KLHL28: variants seen among roughly 807,000 people sequenced by gnomAD.
The protein encoded by KLHL28 is kelch like family member 28, also known as kelch-like protein 28.
In KLHL28, 22 loss-of-function variants were observed where a neutral mutation model predicts 48.3. The ratio of observed to expected loss-of-function variants is 0.46; its 90% CI spans 0.33 to 0.65. KLHL28 has a LOEUF of 0.65. KLHL28 is among the 30% of genes least tolerant of loss of function. KLHL28 has a pLI of 0.03. For missense variants in KLHL28, 527 were observed against 704.3 expected, an observed-to-expected ratio of 0.75 and a Z score of 2.85; for synonymous variants, 243 against 242.4, an observed-to-expected ratio of 1.00 and a Z score of -0.02.
chr14:44,960,968 G>C, intron 1 of KLHL28: 1 of 1,307,112 alleles, frequency 7.7e-7, no homozygotes, highest in Non-Finnish European at 1.1e-6. Flanking sequence ...CTTTTCGCAC[G>C]AGTCATTCAA....
In KLHL28 at chr14:44,945,364, A is replaced by T. The variant is rs1884282894; in HGVS notation, c.565T>A (p.Cys189Ser). The stretch of plus-strand genomic sequence containing the variant: ...GTCTCTTCGGTAGCTACATTCAAAC[A>T]GTCATTGGAAACAATTTCATCCAAG... ...ADLDEIVSND[C>S]LNVATEETVF... Residue 189 changes from cysteine to serine, a missense_variant, in exon 2 of 5, where the codon TGT becomes AGT. Coordinates refer to ENST00000396128, the MANE Select transcript of KLHL28 (RefSeq NM_017658.5). 6.2e-7 allele frequency: 1 copy of T among 1,614,206 alleles called. No individual in the cohort carries two copies. The highest frequency in any genetic ancestry group is 8.5e-7 in the Non-Finnish European group (1 of 1,180,014).
chr14:44,933,694 T>G (rs1266545125), intron 3 of KLHL28, among the ~76,000 whole-genome samples: 1 of 152,182 alleles, frequency 6.6e-6, no homozygotes, highest in Non-Finnish European at 1.5e-5. Context: ...AAAGGAATAT[T>G]TAAATAAGGT....
chr14:44,945,999 G>A lies in KLHL28; in HGVS notation c.1-71C>T, dbSNP rs1268124206. The A allele has an allele frequency of 5.1e-6, 6 of 1,174,300 alleles. No individual in the cohort carries two copies. In the East Asian group the frequency reaches 1.4e-4, roughly 28 times the overall value. The allele number at this position is 1,174,300 out of a possible 1,614,324, so 72.7% of individuals were successfully genotyped here. A position where few individuals can be genotyped will look rare whatever the true frequency, so the allele number is the denominator to read the frequency against. On this transcript the variant is annotated intron_variant, in intron 1 of 4. Transcript: ENST00000396128. ...TGTCAAAAACACTGCTTTTCAAATA[G>A]TACAGAATAATCAGATTTGTAATTT...
At chr14:44,955,692 A>G (rs1884765015) in intron 1 of KLHL28, among the ~76,000 whole-genome samples, 1 of 152,174 alleles carries the variant, frequency 6.6e-6, no homozygotes, top group Admixed American at 6.5e-5. Flanking sequence ...GGGCTGAGCT[A>G]GGAGAATTGC....
chr14:44,947,307 A>G (rs544063411), intron 1 of KLHL28, among the ~76,000 whole-genome samples: 49 of 152,346 alleles, frequency 3.2e-4, no homozygotes, highest in Non-Finnish European at 5.6e-4. Context: ...ATTCTCCCGT[A>G]GAGCTTATGG....
In KLHL28 at chr14:44,945,815, A is replaced by G; in HGVS notation, c.114T>C (p.Ile38=). The change falls in exon 2 of 5, where the codon ATT becomes ATC. Residue 38 remains isoleucine (I), a synonymous_variant. Coordinates refer to ENST00000396128, the MANE Select transcript of KLHL28 (RefSeq NM_017658.5). ...LRQHHELCDI[I]LRVGDVKIHA... ...GAATTTTAACATCACCTACTCGAAG[A>G]ATGATGTCACAGAGTTCGTGATGTT... is the stretch of plus-strand genomic sequence containing the variant. 6.2e-7 allele frequency: 1 copy of G among 1,614,138 alleles called. No individual in the cohort carries two copies. Among genetic ancestry groups the G allele is most frequent in the Non-Finnish European group, 8.5e-7 (1 of 1,179,994 alleles).
Position 44,928,817 on chromosome 14 carries a change from C to A in KLHL28, c.*211G>T. On this transcript the variant is annotated 3_prime_UTR_variant, in exon 5 of 5. Transcript: ENST00000396128. ...CAAAGTCTTTACTTTTTTTTTTTCT[C>A]TTTTTTCTTTTTGATTATTGATTTA... The A allele has an allele frequency of 9.8e-6, 3 of 306,346 alleles. No homozygotes were observed. The highest frequency in any genetic ancestry group is 9.4e-5 in the South Asian group (1 of 10,678). 19.0% of individuals were successfully genotyped at this position (306,346 alleles called of 1,614,324 possible).
chr14:44,935,037 C>T (rs1235665019), intron 2 of KLHL28, among the ~76,000 whole-genome samples: 1 of 152,110 alleles, frequency 6.6e-6, no homozygotes, highest in African/African-American at 2.4e-5. Flanking sequence ...AGAGTGTTTA[C>T]TACAGTATTA....
chr14:44,959,227 T>G (rs1267064575), intron 1 of KLHL28: 2 of 152,128 alleles, frequency 1.3e-5, no homozygotes, highest in East Asian at 3.8e-4. Context: ...TTTCTTCCTC[T>G]GTCCAATTAC....
chr14:44,950,738 T>A (rs945619791), intron 1 of KLHL28, among the ~76,000 whole-genome samples: 32 of 152,328 alleles, frequency 2.1e-4, no homozygotes, highest in African/African-American at 7.2e-4. Context: ...AAAAAGCAGT[T>A]GTAAATATGC....
rs1452086831 is a variant in KLHL28 at position 44,926,887 on chromosome 14, T to G, written c.*2141A>C. Reference sequence around the variant, plus strand: ...TAAAAATAGTATAATAGGATATATTTAATAATTTGATTGCTATAAACAAAG... The same window carrying G: ...TAAAAATAGTATAATAGGATATATTGAATAATTTGATTGCTATAAACAAAG... On this transcript the variant is annotated 3_prime_UTR_variant, in exon 5 of 5. Transcript: ENST00000396128. 3 of 152,560 alleles carry G rather than the reference T, an allele frequency of 2.0e-5. No homozygotes were observed. Among genetic ancestry groups the G allele is most frequent in the African/African-American group, 7.2e-5 (3 of 41,458 alleles). 9.5% of individuals were successfully genotyped at this position (152,560 alleles called of 1,614,324 possible). A position where few individuals can be genotyped will look rare whatever the true frequency, so the allele number is the denominator to read the frequency against.
At chr14:44,943,471 A>G (rs1366135782) in intron 2 of KLHL28, among the ~76,000 whole-genome samples, 1 of 152,152 alleles carries the variant, frequency 6.6e-6, no homozygotes, top group African/African-American at 2.4e-5. Context: ...CGGCCTGACC[A>G]ACATGGTGAA....
chr14:44,933,367 G>GT (rs1883668691), intron 3 of KLHL28, among the ~76,000 whole-genome samples: 2 of 149,304 alleles, frequency 1.3e-5, no homozygotes, highest in Admixed American at 6.7e-5. Flanking sequence ...CTGGAGTGTA[G>GT]TAGTGCATTC....
intron 2 of KLHL28, among the ~76,000 whole-genome samples, chr14:44,944,130 G>A (rs1884221687): frequency 6.6e-6 from 1 of 152,136 alleles, no homozygotes; most frequent in African/African-American, 2.4e-5. Context: ...TAAAAAATAT[G>A]TATTAAACAC....
chr14:44,935,908 A>AC (rs1222194387), intron 2 of KLHL28, among the ~76,000 whole-genome samples: 1 of 132,670 alleles, frequency 7.5e-6, no homozygotes, highest in Non-Finnish European at 1.6e-5. Flanking sequence ...ATATATCTTT[A>AC]CCCTCCCCCC....
chr14:44,959,920 A>T (rs1884958847), intron 1 of KLHL28, among the ~76,000 whole-genome samples: 1 of 152,042 alleles, frequency 6.6e-6, no homozygotes, highest in African/African-American at 2.4e-5. Flanking sequence ...TCCAAAGATT[A>T]AAAAAAATCT....
intron 2 of KLHL28, among the ~76,000 whole-genome samples, chr14:44,941,370 G>A (rs1229702976): frequency 1.3e-5 from 2 of 152,070 alleles, no homozygotes; most frequent in Non-Finnish European, 2.9e-5. Context: ...GGTGGCTCAC[G>A]ACTGTAATCC....
intron 1 of KLHL28, among the ~76,000 whole-genome samples, chr14:44,952,015 C>T (rs556575027): frequency 1.1e-4 from 16 of 152,142 alleles, no homozygotes; most frequent in Middle Eastern, 3.4e-3. Flanking sequence ...CACATCACCA[C>T]GCCCGACTAG....
rs559518939 is a variant in KLHL28 at position 44,927,808 on chromosome 14, T to C, written c.*1220A>G. The C allele has an allele frequency of 6.5e-6, 1 of 152,748 alleles. No homozygotes were observed. The highest frequency in any genetic ancestry group is 2.1e-4 in the South Asian group (1 of 4,832). The allele number at this position is 152,748 out of a possible 1,614,324, so 9.5% of individuals were successfully genotyped here. On this transcript the variant is annotated 3_prime_UTR_variant, in exon 5 of 5. Transcript: ENST00000396128. ...ATGCATAACTGCCTAGTGCTTTATA[T>C]TTAATGCATATATTTCTGTTTTTAA...
Sources: allele counts gnomAD v4.1 joint callset (sites outside exome capture counted in the v4.1 genomes callset), GRCh38; gene constraint gnomAD v4.1.1; transcripts MANE v1.5; gene names NCBI Gene and HGNC (gene_info 2026-07-23, HGNC 2026-07-21).